The following TEK variants were observed in gnomAD, a reference collection of about 807,000 sequenced individuals.
TEK encodes angiopoietin-1 receptor.
In TEK, 43 loss-of-function variants were observed where a neutral mutation model predicts 131.8. That is an observed-to-expected ratio of 0.33 (90% CI 0.26 to 0.42). The LOEUF (loss-of-function observed/expected upper bound fraction) is 0.42, where lower values mean the gene tolerates loss of function less well. TEK is among the 10% of genes least tolerant of loss of function. The pLI, the probability that TEK is intolerant of heterozygous loss-of-function variation, is 1.00. For missense variants in TEK, 1,162 were observed against 1,384.4 expected, an observed-to-expected ratio of 0.84 and a Z score of 2.55; for synonymous variants, 580 against 491.6, an observed-to-expected ratio of 1.18 and a Z score of -2.38.
chr9:27,163,173 T>G (rs1315287560), intron 2 of TEK, among the ~76,000 whole-genome samples: 1 of 152,236 alleles, frequency 6.6e-6, no homozygotes, highest in Non-Finnish European at 1.5e-5. Context: ...AGATGAGGCT[T>G]GGCTATTGTA....
chr9:27,170,740 G>C (rs145104564), intron 4 of TEK, among the ~76,000 whole-genome samples: 175 of 152,260 alleles, frequency 1.1e-3, no homozygotes, highest in African/African-American at 3.9e-3. Context: ...CCATGTCTCA[G>C]CTTCAGCAAT....
At chr9:27,137,774 A>G (rs942091915) in intron 1 of TEK, among the ~76,000 whole-genome samples, 1 of 152,038 alleles carries the variant, frequency 6.6e-6, no homozygotes, top group Non-Finnish European at 1.5e-5. Context: ...CATCTTTTAG[A>G]CTTCTCATTT....
intron 1 of TEK, among the ~76,000 whole-genome samples, chr9:27,121,659 T>C (rs970168859): frequency 1.9e-4 from 29 of 151,950 alleles, no homozygotes; most frequent in Admixed American, 5.2e-4. Flanking sequence ...GATTTCATGA[T>C]TAGTCCTCGT....
intron 21 of TEK, among the ~76,000 whole-genome samples, chr9:27,220,788 A>T (rs1826033310): frequency 6.6e-6 from 1 of 152,200 alleles, no homozygotes; most frequent in African/African-American, 2.4e-5. Context: ...CAACCTGCAG[A>T]CCAGGAGATT....
intron 7 of TEK, among the ~76,000 whole-genome samples, 194 bp downstream of exon 7, chr9:27,180,562 A>G (rs1232439644): frequency 6.6e-6 from 1 of 152,100 alleles, no homozygotes; most frequent in Non-Finnish European, 1.5e-5. Context: ...AGTAGGCTTT[A>G]TTTGTCTTTG....
In TEK at chr9:27,193,996, C is replaced by T. The variant is rs115628598; in HGVS notation, c.1624+1373C>T. Among the ~76,000 whole-genome samples, 852 of 152,092 alleles carry T rather than the reference C, an allele frequency of 5.6e-3. 6 individuals carry two copies. Among genetic ancestry groups the T allele is most frequent in the African/African-American group, 0.019 (777 of 41,492 alleles). ...CTTCAAAAAATTTTTTTTGTAGAGA[C>T]GGGGTCTTGCTTTGTTGCCCAGGCT... On this transcript the variant is annotated intron_variant, in intron 11 of 22. Transcript: ENST00000380036.
At position 27,172,680 on chromosome 9, in the gene TEK, T is replaced by C. The variant is rs1284408537; in HGVS notation, c.693T>C (p.Gly231=). The C allele has an allele frequency of 1.2e-6, 2 of 1,613,796 alleles. No homozygotes were observed. Among genetic ancestry groups the C allele is most frequent in the East Asian group, 2.2e-5 (1 of 44,858 alleles). Residue 231 remains glycine (G), a synonymous_variant, in exon 5 of 23, where the codon GGT becomes GGC. Transcript: ENST00000380036. ...TCTGTACTGCTTGTATGAACAATGG[T>C]GTCTGCCATGAAGATACTGGAGAAT... ...NHLCTACMNN[G]VCHEDTGECI...
intron 9 of TEK, among the ~76,000 whole-genome samples, chr9:27,186,701 G>C (rs1480576806): frequency 6.6e-5 from 10 of 152,180 alleles, no homozygotes; most frequent in Non-Finnish European, 1.5e-5. Context: ...GTGTTACAGA[G>C]GAGGAGACTG....
intron 1 of TEK, among the ~76,000 whole-genome samples, chr9:27,142,009 A>T (rs1011177586): frequency 6.6e-6 from 1 of 152,188 alleles, no homozygotes. Context: ...AGATAAACAT[A>T]TGTAGAGAAG....
At chr9:27,185,372 C>G in intron 8 of TEK, 113 bp from the exon 9 acceptor site, 2 of 1,319,486 alleles carry the variant, frequency 1.5e-6, no homozygotes, top group East Asian at 4.6e-5. Flanking sequence ...CATTTAGCTT[C>G]TTGATCTCTC....
intron 1 of TEK, among the ~76,000 whole-genome samples, chr9:27,121,401 A>G (rs1296125234): frequency 1.3e-5 from 2 of 151,740 alleles, no homozygotes; most frequent in Non-Finnish European, 2.9e-5. Context: ...AGTGTGTTGT[A>G]TATATTACTG....
chr9:27,218,816 A>G lies in TEK; in HGVS notation c.3102A>G (p.Leu1034=), dbSNP rs1825926615. The change falls in exon 20 of 23, where the codon TTA becomes TTG. Residue 1034 remains leucine, a splice_region_variant and synonymous_variant. Coordinates refer to ENST00000380036, the MANE Select transcript of TEK (RefSeq NM_000459.5). ...YGVLLWEIVS[L]GGTPYCGMTC... ...TGTTACTATGGGAGATTGTTAGCTT[A>G]GGTGAGTATCTATGTTTATCTACCA... is the stretch of plus-strand genomic sequence containing the variant. 6.2e-7 allele frequency: 1 copy of G among 1,613,958 alleles called. No individual in the cohort carries two copies. Among genetic ancestry groups the G allele is most frequent in the Non-Finnish European group, 8.5e-7 (1 of 1,179,882 alleles).
At chr9:27,174,804 C>G (rs1824101000) in intron 6 of TEK, among the ~76,000 whole-genome samples, 1 of 151,996 alleles carries the variant, frequency 6.6e-6, no homozygotes, top group Non-Finnish European at 1.5e-5. Context: ...AAAGGTGACT[C>G]CAGGCAGGGG....
chr9:27,212,718 C>G lies in TEK; in HGVS notation c.2698C>G (p.Leu900Val), dbSNP rs1587026477. The stretch of plus-strand genomic sequence containing the variant: ...TTCCTTCCCTCCAGGCTACTTGTAC[C>G]TGGCCATTGAGTACGCGCCCCATGG... ...GACEHRGYLY[L>V]AIEYAPHGNL... The change falls in exon 17 of 23, where the codon CTG becomes GTG. Residue 900 changes from leucine (L) to valine (V), a missense_variant. Leu to Val is a conservative substitution (Grantham distance 32). Coordinates refer to ENST00000380036, the MANE Select transcript of TEK (RefSeq NM_000459.5). 1 of 1,613,980 alleles carries G rather than the reference C, an allele frequency of 6.2e-7. No individual in the cohort carries two copies. The highest frequency in any genetic ancestry group is 8.5e-7 in the Non-Finnish European group (1 of 1,180,010).
intron 1 of TEK, among the ~76,000 whole-genome samples, chr9:27,111,792 C>G (rs1265855039): frequency 1.3e-5 from 2 of 151,558 alleles, no homozygotes; most frequent in African/African-American, 4.9e-5. Context: ...AGAAAACTAA[C>G]AAAAAAATCA....
rs1448053519 is a variant in TEK, at chr9:27,190,684, A to T, written c.1483A>T (p.Ile495Phe). 5.0e-6 allele frequency: 8 copies of T among 1,613,830 alleles called. No homozygotes were observed. In the African/African-American group the frequency reaches 1.1e-4, roughly 22 times the overall value. Reference protein sequence around the residue: ...PVNHYEAWQHIQVTNEIVTLN... With the variant: ...PVNHYEAWQHFQVTNEIVTLN... ...TAATCACTATGAGGCTTGGCAACAT[A>T]TTCAAGGTAAGCTTTGGACAGGATA... The change falls in exon 10 of 23, where the codon ATT becomes TTT. Residue 495 changes from isoleucine (I) to phenylalanine (F), a missense_variant. Around this residue, in one of 6 missense-constraint regions of TEK, gnomAD observed 477 missense variants for 471.0 expected, o/e 1.01. Transcript: ENST00000380036.
intron 1 of TEK, among the ~76,000 whole-genome samples, chr9:27,143,763 G>C (rs1564057268): frequency 6.6e-6 from 1 of 152,196 alleles, no homozygotes; most frequent in Non-Finnish European, 1.5e-5. Context: ...ATGCATGGCA[G>C]CTGCTGTATA....
intron 9 of TEK, among the ~76,000 whole-genome samples, chr9:27,188,188 A>C (rs909516320): frequency 2.0e-5 from 3 of 152,200 alleles, no homozygotes; most frequent in Admixed American, 2.0e-4. Context: ...AATAGAGGCT[A>C]CCTCTGGGTA....
rs747907016 is a variant in TEK at position 27,185,470 on chromosome 9, A to G, written c.1183-15A>G. Reference sequence around the variant, plus strand: ...TCCCTAGAAGTTTTTATTTTTTTGTATTTGACCTTTTCAGCCAAAAGACTT... The same window carrying G: ...TCCCTAGAAGTTTTTATTTTTTTGTGTTTGACCTTTTCAGCCAAAAGACTT... On this transcript the variant is annotated splice_polypyrimidine_tract_variant and intron_variant, in intron 8 of 22. Coordinates refer to ENST00000380036, the MANE Select transcript of TEK (RefSeq NM_000459.5). The G allele has an allele frequency of 1.7e-5, 27 of 1,613,114 alleles. No homozygotes were observed. The highest frequency in any genetic ancestry group is 2.2e-5 in the East Asian group (1 of 44,860).
Sources: gnomAD v4.1 joint callset for allele counts (sites outside exome capture counted in the v4.1 genomes callset) on GRCh38, gnomAD v4.1.1 for gene constraint, gnomAD v4.1.1 regional missense constraint, MANE v1.5 for transcripts, NCBI Gene and HGNC (gene_info 2026-07-23, HGNC 2026-07-21) for gene names.